Variants in TFDP2 observed in about 807,000 individuals in gnomAD.
TFDP2 encodes the protein transcription factor Dp-2.
TFDP2 carries 17 observed loss-of-function variants against 59.3 expected under a neutral mutation model. That is an observed-to-expected ratio of 0.29 (90% confidence interval 0.20 to 0.43). The LOEUF (loss-of-function observed/expected upper bound fraction) is 0.43. Among genes scored for constraint, TFDP2 ranks in the 20% least tolerant of loss-of-function variants. The pLI, the probability that TFDP2 is intolerant of heterozygous loss-of-function variation, is 1.00. For synonymous variants in TFDP2, 180 were observed against 194.7 expected, an observed-to-expected ratio of 0.92 and a Z score of 0.63; for missense variants, 391 against 528.8, an observed-to-expected ratio of 0.74 and a Z score of 2.56.
chr3:141,995,060 T>A lies in TFDP2; in HGVS notation c.268A>T (p.Thr90Ser). The change falls in exon 5 of 13, where the codon ACT becomes TCT. Residue 90 changes from threonine (T) to serine (S), a missense_variant. Coordinates refer to ENST00000489671, the MANE Select transcript of TFDP2 (RefSeq NM_001178139.2). ...GTAGCTTCTGCTATGTGTGTCTGAG[T>A]AACCATTGCTGGTGCAGGGGTATAT... ...SPYTPAPAMV[T>S]QTHIAEATGW... 6.2e-7 allele frequency: 1 copy of A among 1,610,562 alleles called. No homozygotes were observed. The highest frequency in any genetic ancestry group is 8.5e-7 in the Non-Finnish European group (1 of 1,178,058).
intron 3 of TFDP2, among the ~76,000 whole-genome samples, chr3:142,061,889 TACACACACACACACACACACAC>T (rs71153939): frequency 6.3e-5 from 5 of 79,880 alleles, no homozygotes; most frequent in Non-Finnish European, 1.3e-4. Context: ...TCTCTCTCTC[TACACACACACACACACACACAC>T]ACACACACAC....
intron 3 of TFDP2, among the ~76,000 whole-genome samples, chr3:142,017,545 ATTCTTT>A (rs1049941013): frequency 8.0e-6 from 1 of 125,022 alleles, no homozygotes; most frequent in African/African-American, 3.0e-5. Flanking sequence ...ATGCAAAAAT[ATTCTTT>A]TTTTTTTTTT....
chr3:142,126,351 A>T (rs1261444628), intron 1 of TFDP2: 4 of 151,712 alleles, frequency 2.6e-5, no homozygotes, highest in African/African-American at 7.3e-5. Flanking sequence ...GAAACAACAC[A>T]GTTTTTTTAA....
intron 1 of TFDP2, among the ~76,000 whole-genome samples, chr3:142,102,601 A>G (rs558474081): frequency 6.6e-6 from 1 of 152,340 alleles, no homozygotes; most frequent in South Asian, 2.1e-4. Flanking sequence ...GAAAAATAGG[A>G]TATTTCCATA....
chr3:141,975,693 CAAA>C (rs537962821), intron 7 of TFDP2, among the ~76,000 whole-genome samples: 26 of 96,034 alleles, frequency 2.7e-4, no homozygotes, highest in Non-Finnish European at 3.0e-4. Context: ...GACTCTGTCT[CAAA>C]AAAAAAAAAA....
chr3:142,020,918 G>C (rs1310212146), intron 3 of TFDP2, among the ~76,000 whole-genome samples: 1 of 151,904 alleles, frequency 6.6e-6, no homozygotes, highest in Non-Finnish European at 1.5e-5. Flanking sequence ...CCAGGAAGTC[G>C]AAGCTGCAGT....
At position 141,950,049 on chromosome 3, in the gene TFDP2, T is replaced by C. The variant is rs920164419; in HGVS notation, c.*2464A>G. Reference sequence around the variant, plus strand: ...CTTGAACTCCTGAGCTCAAGCAATGTGCCCGCCTCGGCCTCCCAAAGTGCT... The same window carrying C: ...CTTGAACTCCTGAGCTCAAGCAATGCGCCCGCCTCGGCCTCCCAAAGTGCT... On this transcript the variant is annotated 3_prime_UTR_variant, in exon 13 of 13. Transcript: ENST00000489671. The C allele has an allele frequency of 4.6e-5, 7 of 151,966 alleles. No individual in the cohort carries two copies. Among genetic ancestry groups the C allele is most frequent in the African/African-American group, 1.5e-4 (6 of 41,328 alleles). The allele number at this position is 151,966 out of a possible 1,614,324, so 9.4% of individuals were successfully genotyped here. A position where few individuals can be genotyped will look rare whatever the true frequency, so the allele number is the denominator to read the frequency against.
At chr3:142,108,803 C>G (rs1409661918) in intron 1 of TFDP2, among the ~76,000 whole-genome samples, 1 of 152,168 alleles carries the variant, frequency 6.6e-6, no homozygotes, top group Admixed American at 6.6e-5. Flanking sequence ...CACCTCTTTT[C>G]TGATCCAGTT....
In TFDP2 at chr3:142,005,675, C is replaced by T. The variant is rs1354047451; in HGVS notation, c.83-131G>A. The T allele has an allele frequency of 1.1e-5, 6 of 550,584 alleles. No individual in the cohort carries two copies. The African/African-American group carries it at 1.2e-4, about 11-fold the overall frequency. The allele number at this position is 550,584 out of a possible 1,614,324, so 34.1% of individuals were successfully genotyped here. A position where few individuals can be genotyped will look rare whatever the true frequency, so the allele number is the denominator to read the frequency against. ...ATTATCTTAGGAAGCATATTATGAA[C>T]AAAATACACCTTACTGAAAAGTCAT... On this transcript the variant is annotated intron_variant, in intron 3 of 12. Coordinates refer to ENST00000489671, the MANE Select transcript of TFDP2 (RefSeq NM_001178139.2).
chr3:142,037,191 C>CA (rs1946732070), intron 3 of TFDP2, among the ~76,000 whole-genome samples: 1 of 152,168 alleles, frequency 6.6e-6, no homozygotes, highest in Admixed American at 6.5e-5. Context: ...TTCATTCAAT[C>CA]TACACATATT....
intron 3 of TFDP2, among the ~76,000 whole-genome samples, chr3:142,060,089 T>C (rs1409951724): frequency 6.6e-6 from 1 of 152,222 alleles, no homozygotes; most frequent in Admixed American, 6.5e-5. Context: ...CCAAAATAAG[T>C]ACCACATAAA....
intron 2 of TFDP2, among the ~76,000 whole-genome samples, chr3:142,099,439 C>G (rs976560934): frequency 4.6e-5 from 7 of 152,144 alleles, no homozygotes; most frequent in Non-Finnish European, 1.0e-4. Context: ...CGGTGGCTCA[C>G]ACTTATAATC....
chr3:142,089,252 G>C (rs1309874175), intron 3 of TFDP2, among the ~76,000 whole-genome samples: 1 of 147,524 alleles, frequency 6.8e-6, no homozygotes, highest in East Asian at 2.0e-4. Flanking sequence ...AAAACATAAA[G>C]AACCCAATGG....
At chr3:142,029,922 C>T (rs1341744606) in intron 3 of TFDP2, among the ~76,000 whole-genome samples, 1 of 152,214 alleles carries the variant, frequency 6.6e-6, no homozygotes, top group Non-Finnish European at 1.5e-5. Flanking sequence ...AAGTACAACT[C>T]TCCTAGATGA....
Position 141,947,542 on chromosome 3 carries a change from G to A in TFDP2, c.*4971C>T, listed in dbSNP as rs1368826900. 1 of 152,172 alleles carries A rather than the reference G, an allele frequency of 6.6e-6. No homozygotes were observed. Among genetic ancestry groups the A allele is most frequent in the Non-Finnish European group, 1.5e-5 (1 of 68,078 alleles). The allele number at this position is 152,172 out of a possible 1,614,324, so 9.4% of individuals were successfully genotyped here. On this transcript the variant is annotated 3_prime_UTR_variant, in exon 13 of 13. Coordinates refer to ENST00000489671, the MANE Select transcript of TFDP2 (RefSeq NM_001178139.2). Reference sequence around the variant, plus strand: ...TGATTCTCCTGCCTCAGCCTCCCGAGTAGCTGGGACTACAGGCATGTGCCA... The same window carrying A: ...TGATTCTCCTGCCTCAGCCTCCCGAATAGCTGGGACTACAGGCATGTGCCA...
Position 142,121,863 on chromosome 3 carries a change from A to T in TFDP2, c.-92-20022T>A, listed in dbSNP as rs1341692884. ...AAAATACGAAGTTAAAAAAAAAAAA[A>T]CTTCATTGTAGACATTTCTGAGGTT... is the stretch of plus-strand genomic sequence containing the variant. On this transcript the variant is annotated intron_variant, in intron 1 of 12. Coordinates refer to ENST00000489671, the MANE Select transcript of TFDP2 (RefSeq NM_001178139.2). The surrounding 1 kb of genome is among the most constrained non-coding windows in gnomAD (Gnocchi z 4.3). 1.4e-5 allele frequency among the ~76,000 whole-genome samples: 2 copies of T among 143,708 alleles called. No homozygotes were observed. The highest frequency in any genetic ancestry group is 4.1e-4 in the East Asian group (2 of 4,888). 94.3% of individuals were successfully genotyped at this position (143,708 alleles called of 152,430 possible).
chr3:142,008,904 C>T (rs1227851891), intron 3 of TFDP2, among the ~76,000 whole-genome samples: 1 of 152,050 alleles, frequency 6.6e-6, no homozygotes, highest in Non-Finnish European at 1.5e-5. Flanking sequence ...TTATTAGTGA[C>T]CCTATTTTGT....
At chr3:141,981,183 G>A (rs1941450168) in intron 6 of TFDP2, among the ~76,000 whole-genome samples, 1 of 151,874 alleles carries the variant, frequency 6.6e-6, no homozygotes, top group African/African-American at 2.4e-5. Flanking sequence ...CTATGTTTAG[G>A]TATGTTTAAA....
At chr3:142,099,469 A>T (rs2061258909) in intron 2 of TFDP2, among the ~76,000 whole-genome samples, 1 of 152,196 alleles carries the variant, frequency 6.6e-6, no homozygotes, top group Non-Finnish European at 1.5e-5. Flanking sequence ...TGGGAGGCTG[A>T]GGCAGGCAGA....
Sources: gnomAD v4.1 joint callset for allele counts (sites outside exome capture counted in the v4.1 genomes callset) on GRCh38, gnomAD v4.1.1 for gene constraint, Gnocchi (gnomAD v3.1) non-coding constraint, MANE v1.5 for transcripts, NCBI Gene and HGNC (gene_info 2026-07-23, HGNC 2026-07-21) for gene names.